LAMA3: variants seen among roughly 807,000 people sequenced by gnomAD.
The protein encoded by LAMA3 is laminin subunit alpha 3.
In LAMA3, 281 loss-of-function variants were observed where a neutral mutation model predicts 402.0. The ratio of observed to expected loss-of-function variants is 0.70; its 90% CI spans 0.63 to 0.77. The LOEUF is 0.77. Among genes scored for constraint, LAMA3 ranks in the 30% least tolerant of loss-of-function variants. LAMA3 has a pLI of 0.00. For synonymous variants in LAMA3, 1,431 were observed against 1,558.4 expected (o/e 0.92, Z 1.93); for missense variants, 3,840 against 4,215.5 (o/e 0.91, Z 2.47).
In LAMA3 at chr18:23,894,335, A is replaced by G; in HGVS notation, c.5448A>G (p.Ala1816=). 1.9e-6 allele frequency: 3 copies of G among 1,613,706 alleles called. No homozygotes were observed. The highest frequency in any genetic ancestry group is 2.5e-6 in the Non-Finnish European group (3 of 1,179,576). The change falls in exon 43 of 75, where the codon GCA becomes GCG. Residue 1816 remains alanine (A), a synonymous_variant. Coordinates refer to ENST00000313654, the MANE Select transcript of LAMA3 (RefSeq NM_198129.4). ...INQEPKDSSP[A]EECDDCDSCV... The stretch of plus-strand genomic sequence containing the variant: ...AAGAACCCAAAGATAGCAGCCCTGC[A>G]GAAGAATGTGATGGTGAGAAAAGAA...
intron 66 of LAMA3, among the ~76,000 whole-genome samples, 186 bp from the exon 67 acceptor site, chr18:23,933,596 G>A (rs1046485598): frequency 3.3e-5 from 5 of 152,044 alleles, no homozygotes; most frequent in Non-Finnish European, 5.9e-5. Context: ...TCATTAACTT[G>A]AGTCACCCTA....
Position 23,790,096 on chromosome 18 carries a change from T to G in LAMA3, c.1603+5939T>G, listed in dbSNP as rs758955320. Among the ~76,000 whole-genome samples, 3 of 152,194 alleles carry G rather than the reference T, an allele frequency of 2.0e-5. No individual in the cohort carries two copies. In the East Asian group the frequency reaches 5.8e-4, roughly 29 times the overall value. On this transcript the variant is annotated intron_variant, in intron 12 of 74. Transcript: ENST00000313654. ...TAGGGAGTAGATAGTTGCAGGGTGG[T>G]GAGTAGCACCCACATTTCTTTACTC...
chr18:23,892,240 C>T (rs1414698862), intron 42 of LAMA3, among the ~76,000 whole-genome samples: 2 of 152,182 alleles, frequency 1.3e-5, no homozygotes, highest in African/African-American at 2.4e-5. Context: ...AGACTAATGC[C>T]TCTGCAACCC....
chr18:23,829,540 T>C (rs2063453838), intron 23 of LAMA3, among the ~76,000 whole-genome samples: 1 of 152,222 alleles, frequency 6.6e-6, no homozygotes, highest in South Asian at 2.1e-4. Flanking sequence ...ATTCAGACAT[T>C]GACCCCATGA....
intron 39 of LAMA3, among the ~76,000 whole-genome samples, chr18:23,877,077 T>C (rs953775413): frequency 6.6e-6 from 1 of 151,850 alleles, no homozygotes; most frequent in Non-Finnish European, 1.5e-5. Flanking sequence ...CAGAAATCAG[T>C]CCAACACAAG....
At chr18:23,732,253 A>T (rs1210662042) in intron 2 of LAMA3, among the ~76,000 whole-genome samples, 1 of 152,050 alleles carries the variant, frequency 6.6e-6, no homozygotes, top group Non-Finnish European at 1.5e-5. Context: ...GGAAGAGAGG[A>T]GCTGAGGCAA....
At chr18:23,900,716 G>T (rs1367601369) in intron 47 of LAMA3, among the ~76,000 whole-genome samples, 1 of 152,082 alleles carries the variant, frequency 6.6e-6, no homozygotes, top group Non-Finnish European at 1.5e-5. Flanking sequence ...CAGTTTTCTT[G>T]CTTAAATTTT....
chr18:23,795,054 C>A (rs1324133410), intron 12 of LAMA3, among the ~76,000 whole-genome samples: 6 of 152,166 alleles, frequency 3.9e-5, no homozygotes. Flanking sequence ...AGGTCCCCAC[C>A]CCCACAACCT....
chr18:23,871,354 C>T (rs565570613), intron 37 of LAMA3, 77 bp from the exon 38 acceptor site: 33 of 1,115,052 alleles, frequency 3.0e-5, no homozygotes, highest in East Asian at 1.6e-4. Context: ...TTGATTCATT[C>T]GGGGTGTCTG....
At chr18:23,820,047 C>T (rs2063254756) in intron 19 of LAMA3, 50 bp downstream of exon 19, 3 of 1,588,288 alleles carry the variant, frequency 1.9e-6, no homozygotes, top group East Asian at 2.2e-5. Context: ...TCAGATACTT[C>T]CCCACACCAG....
At chr18:23,718,989 A>G (rs180745121) in intron 2 of LAMA3, among the ~76,000 whole-genome samples, 1 of 152,304 alleles carries the variant, frequency 6.6e-6, no homozygotes, top group African/African-American at 2.4e-5. Context: ...AGTGCCTTCT[A>G]CATAATTCCT....
At chr18:23,752,847 C>T (rs2061777058) in intron 5 of LAMA3, among the ~76,000 whole-genome samples, 1 of 152,230 alleles carries the variant, frequency 6.6e-6, no homozygotes, top group Non-Finnish European at 1.5e-5. Context: ...CAAAAACCCT[C>T]TTGTCCTTGC....
chr18:23,784,299 G>A (rs2062496786), intron 12 of LAMA3, 142 bp downstream of exon 12: 3 of 985,852 alleles, frequency 3.0e-6, no homozygotes, highest in South Asian at 1.3e-5. Flanking sequence ...TGTTACATGT[G>A]ATGGTCCTAC....
At chr18:23,903,250 T>C (rs1262691969) in intron 49 of LAMA3, 125 bp downstream of exon 49, 1 of 687,252 alleles carries the variant, frequency 1.5e-6, no homozygotes, top group Non-Finnish European at 2.6e-6. Context: ...TGGAAGAGAA[T>C]ATAATGAAAT....
chr18:23,842,799 G>A, intron 29 of LAMA3, 49 bp downstream of exon 29: 1 of 1,609,928 alleles, frequency 6.2e-7, no homozygotes, highest in Non-Finnish European at 8.5e-7. Context: ...CTGCCTGGCT[G>A]GCCATTCTGG....
chr18:23,799,480 A>G (rs1432971298), intron 12 of LAMA3, among the ~76,000 whole-genome samples: 1 of 152,184 alleles, frequency 6.6e-6, no homozygotes, highest in East Asian at 1.9e-4. Context: ...TTTAAGTTCA[A>G]GTCTTTGTTT....
chr18:23,768,747 T>C (rs146073656), intron 8 of LAMA3, among the ~76,000 whole-genome samples: 2 of 152,316 alleles, frequency 1.3e-5, no homozygotes, highest in African/African-American at 4.8e-5. Context: ...TTGGTGCCTA[T>C]CAGTGGTGGA....
chr18:23,894,201 A>G, intron 42 of LAMA3, 97 bp from the exon 43 acceptor site: 1 of 973,458 alleles, frequency 1.0e-6, no homozygotes, highest in Admixed American at 1.8e-5. Flanking sequence ...CAAACTAATA[A>G]AACTTTGCAA....
Position 23,771,153 on chromosome 18 carries a change from A to G in LAMA3, c.1183-2344A>G, listed in dbSNP as rs1488548114. Among the ~76,000 whole-genome samples the G allele has an allele frequency of 3.0e-4, 46 of 152,382 alleles. 1 individual carries two copies. Among genetic ancestry groups the G allele is most frequent in the Admixed American group, 2.9e-3 (45 of 15,310 alleles). Reference sequence around the variant, plus strand: ...AAATACCCCCAACTAGAAATAGCCCAGGTGACCAACAATAGTAGAATGGAT... The same window carrying G: ...AAATACCCCCAACTAGAAATAGCCCGGGTGACCAACAATAGTAGAATGGAT... On this transcript the variant is annotated intron_variant, in intron 8 of 74. Coordinates refer to ENST00000313654, the MANE Select transcript of LAMA3 (RefSeq NM_198129.4).
Sources: allele counts gnomAD v4.1 joint callset (sites outside exome capture counted in the v4.1 genomes callset), GRCh38; gene constraint gnomAD v4.1.1; transcripts MANE v1.5; gene names NCBI Gene and HGNC (gene_info 2026-07-23, HGNC 2026-07-21).